CFAP92: variants seen among roughly 807,000 people sequenced by gnomAD.
CFAP92 encodes uncharacterized protein CFAP92.
In CFAP92, 86 loss-of-function variants were observed where a neutral mutation model predicts 106.3. The observed-to-expected ratio is 0.81, with a 90% CI of 0.68 to 0.97. The LOEUF is 0.97. CFAP92 is among the 50% of genes least tolerant of loss of function. The pLI, the probability that CFAP92 is intolerant of heterozygous loss-of-function variation, is 0.00. For missense variants in CFAP92, 1,204 were observed against 1,283.8 expected, an observed-to-expected ratio of 0.94 and a Z score of 0.95; for synonymous variants, 477 against 506.4, an observed-to-expected ratio of 0.94 and a Z score of 0.78.
the CFAP92 span, among the ~76,000 whole-genome samples, chr3:129,023,857 G>T: frequency 2.0e-5 from 3 of 152,214 alleles, no homozygotes; most frequent in Non-Finnish European, 4.4e-5. Flanking sequence ...GGACAAAGCT[G>T]ATAGGAACTG....
chr3:128,920,061 A>C (rs965247502), intron 12 of CFAP92, among the ~76,000 whole-genome samples: 1 of 152,234 alleles, frequency 6.6e-6, no homozygotes, highest in Non-Finnish European at 1.5e-5. Flanking sequence ...GAAAAAAGAC[A>C]ATAGAAACAG....
At chr3:128,913,380 A>G (rs2107674161) in intron 15 of CFAP92, among the ~76,000 whole-genome samples, 1 of 152,290 alleles carries the variant, frequency 6.6e-6, no homozygotes, top group East Asian at 1.9e-4. Flanking sequence ...TTTCTTTACA[A>G]GAACTGGCTT....
At chr3:128,912,895 T>C (rs753320661) in intron 15 of CFAP92, 2 of 581,946 alleles carry the variant, frequency 3.4e-6, no homozygotes, top group African/African-American at 1.8e-5. Flanking sequence ...GGAGACACCA[T>C]AGTGGAAACT....
rs1013062093 is a variant in CFAP92 at position 128,910,833 on chromosome 3, G to A, written c.3281-500C>T. The A allele has an allele frequency of 6.2e-7, 1 of 1,613,818 alleles. No homozygotes were observed. The stretch of plus-strand genomic sequence containing the variant: ...ACAAGTGTGAGTGGCATGTCTTGGG[G>A]GAGGGAAGGAAGGGCCCACTTCTAG... On this transcript the variant is annotated intron_variant, in intron 15 of 15. Transcript: ENST00000645291.
At chr3:128,938,358 A>C (rs1007580190) in intron 10 of CFAP92, among the ~76,000 whole-genome samples, 6 of 152,200 alleles carry the variant, frequency 3.9e-5, no homozygotes, top group Admixed American at 6.5e-5. Flanking sequence ...AATTAGGAAC[A>C]GAATGGAACT....
At chr3:128,941,634 G>A (rs1436551121) in intron 10 of CFAP92, among the ~76,000 whole-genome samples, 18 of 151,972 alleles carry the variant, frequency 1.2e-4, no homozygotes, top group Admixed American at 1.0e-3. Context: ...GTGCCACCAC[G>A]CCCAGCTAAT....
At chr3:128,963,927 G>A (rs1354031741) in intron 9 of CFAP92, among the ~76,000 whole-genome samples, 1 of 151,888 alleles carries the variant, frequency 6.6e-6, no homozygotes, top group Non-Finnish European at 1.5e-5. Context: ...TACTCAACAT[G>A]CCCGAGTCAG....
rs2107799173 is a variant in CFAP92 at position 128,980,405 on chromosome 3, C to T, written c.668-2220G>A. Among the ~76,000 whole-genome samples the T allele has an allele frequency of 1.3e-5, 2 of 150,922 alleles. 1 individual carries two copies. The highest frequency in any genetic ancestry group is 4.2e-4 in the South Asian group (2 of 4,768). On this transcript the variant is annotated intron_variant, in intron 4 of 15. Transcript: ENST00000645291. ...AAAAAAAAGCTAACACTCATCTGAG[C>T]CTGTGGGTAATCATCTTTCTGCTGT...
the CFAP92 span, among the ~76,000 whole-genome samples, chr3:129,025,326 G>A: frequency 6.6e-6 from 1 of 152,196 alleles, no homozygotes; most frequent in African/African-American, 2.4e-5. Context: ...AAGAGTGCCA[G>A]GGAGGCAGGA....
rs769472488 is a variant in CFAP92 at position 128,977,085 on chromosome 3, A to G, written c.809-19T>C. 5 of 1,605,970 alleles carry G rather than the reference A, an allele frequency of 3.1e-6. No individual in the cohort carries two copies. In the Admixed American group the frequency reaches 8.3e-5, roughly 27 times the overall value. On this transcript the variant is annotated intron_variant, in intron 5 of 15. Transcript: ENST00000645291. ...TGAGAACCTGAAAACAGTAGCAAAT[A>G]TTTCCAAGCTTTTTGTTACATGCTA...
intron 12 of CFAP92, among the ~76,000 whole-genome samples, 160 bp downstream of exon 12, chr3:128,932,540 C>T (rs1380978231): frequency 1.3e-5 from 2 of 152,220 alleles, no homozygotes; most frequent in Non-Finnish European, 1.5e-5. Flanking sequence ...GCCCCACATC[C>T]TGCACTTCTT....
At chr3:129,006,378 G>A (rs1322604995), upstream of CFAP92, among the ~76,000 whole-genome samples, 1 of 152,214 alleles carries the variant, frequency 6.6e-6, no homozygotes, top group African/African-American at 2.4e-5. Flanking sequence ...GTGCAATGGT[G>A]CGATCTTGGC....
chr3:128,993,736 A>C (rs542581653), intron 1 of CFAP92: 42 of 292,276 alleles, frequency 1.4e-4, no homozygotes, highest in African/African-American at 9.1e-4. Context: ...GGAGAGGCAA[A>C]CCAGGCCGGG....
chr3:128,933,321 G>A (rs1025899307), intron 11 of CFAP92, among the ~76,000 whole-genome samples: 2 of 152,306 alleles, frequency 1.3e-5, no homozygotes, highest in East Asian at 1.9e-4. Context: ...GCCCATCAGG[G>A]ATGTAGAGCA....
At position 128,971,339 on chromosome 3, in the gene CFAP92, G is replaced by C. The variant is rs376360333; in HGVS notation, c.1116C>G (p.Pro372=). ...GGATGGAGAAAGCGCTCTGCTTCCT[G>C]GGGCCTGTCAGCGTGGGGTCTGCCT... The part of the protein sequence containing the change: ...EEEADPTLTG[P]RKQSAFSIQL... The change falls in exon 8 of 16, where the codon CCC becomes CCG. Residue 372 remains proline, a synonymous_variant. Transcript: ENST00000645291. 1.9e-6 allele frequency: 3 copies of C among 1,613,594 alleles called. 1 individual carries two copies. Among genetic ancestry groups the C allele is most frequent in the Middle Eastern group, 3.3e-4 (2 of 6,058 alleles).
At chr3:128,960,699 G>A (rs1012018216) in intron 9 of CFAP92, among the ~76,000 whole-genome samples, 2 of 152,224 alleles carry the variant, frequency 1.3e-5, no homozygotes, top group Non-Finnish European at 2.9e-5. Context: ...CACCCTTAGC[G>A]GCTAGTCCCG....
At chr3:128,927,138 C>T (rs1373903194) in intron 12 of CFAP92, among the ~76,000 whole-genome samples, 1 of 152,028 alleles carries the variant, frequency 6.6e-6, no homozygotes, top group Non-Finnish European at 1.5e-5. Context: ...TCCATTCACA[C>T]ACAACAAAGA....
At position 128,987,893 on chromosome 3, in the gene CFAP92, A is replaced by C. The variant is rs1200207264; in HGVS notation, c.454-64T>G. ...GATGTGCAAAGGCCGTGGCGAACAG[A>C]GCAAGCCCCAGCCCCAGCCTGGCCC... On this transcript the variant is annotated intron_variant, in intron 3 of 15. Coordinates refer to ENST00000645291, the MANE Select transcript of CFAP92 (RefSeq NM_001394090.1). 3.6e-6 allele frequency: 5 copies of C among 1,383,492 alleles called. No individual in the cohort carries two copies. The Admixed American group carries it at 1.0e-4, about 28-fold the overall frequency. 85.7% of individuals were successfully genotyped at this position (1,383,492 alleles called of 1,614,324 possible).
At chr3:128,938,367 C>A (rs144406289) in intron 10 of CFAP92, among the ~76,000 whole-genome samples, 108 of 152,244 alleles carry the variant, frequency 7.1e-4, no homozygotes, top group African/African-American at 2.6e-3. Context: ...CAGAATGGAA[C>A]TTCCTCAGAC....
Sources: allele counts gnomAD v4.1 joint callset (sites outside exome capture counted in the v4.1 genomes callset), GRCh38; gene constraint gnomAD v4.1.1; transcripts MANE v1.5; gene names NCBI Gene and HGNC (gene_info 2026-07-23, HGNC 2026-07-21).